ZC3H13: variants seen among roughly 807,000 people sequenced by gnomAD.
ZC3H13 encodes the protein zinc finger CCCH-type containing 13.
A neutral mutation model predicts 204.1 loss-of-function variants in ZC3H13; 64 were observed. That is an observed-to-expected ratio of 0.31 (90% CI 0.26 to 0.39). ZC3H13 has a LOEUF of 0.39. Among genes scored for constraint, ZC3H13 ranks in the 10% least tolerant of loss-of-function variants. ZC3H13 has a pLI of 1.00. For synonymous variants in ZC3H13, 667 were observed against 693.7 expected, an observed-to-expected ratio of 0.96 and a Z score of 0.60; for missense variants, 1,833 against 2,082.7, an observed-to-expected ratio of 0.88 and a Z score of 2.33.
intron 1 of ZC3H13, among the ~76,000 whole-genome samples, chr13:46,049,150 C>CA (rs58915210): frequency 0.38 from 34,578 of 91,480 alleles, 4,988 homozygotes; most frequent in Non-Finnish European, 0.43. Context: ...GACTCCGTCT[C>CA]AAAAAAAAAA....
rs778528738 is a variant in ZC3H13 at position 46,045,378 on chromosome 13, A to G, written c.117+13T>C. ...CTAAGAGAACCCCTGTGACTATACT[A>G]GTGACAACTCACCTCTGCTGTACTG... On this transcript the variant is annotated intron_variant, in intron 2 of 18. Transcript: ENST00000679008. The G allele has an allele frequency of 6.3e-7, 1 of 1,599,322 alleles. No homozygotes were observed. The highest frequency in any genetic ancestry group is 8.6e-7 in the Non-Finnish European group (1 of 1,166,610).
At chr13:46,011,116 G>C (rs1345827003) in intron 6 of ZC3H13, among the ~76,000 whole-genome samples, 1 of 152,054 alleles carries the variant, frequency 6.6e-6, no homozygotes, top group Non-Finnish European at 1.5e-5. Context: ...AGGCATTCTA[G>C]AAATAGCATG....
At chr13:46,012,208 T>C (rs568058641) in intron 5 of ZC3H13, among the ~76,000 whole-genome samples, 14 of 152,212 alleles carry the variant, frequency 9.2e-5, no homozygotes, top group Non-Finnish European at 1.6e-4. Context: ...ATTTATATTT[T>C]CTGATGAAAA....
At position 46,003,310 on chromosome 13, in the gene ZC3H13, T is replaced by G. The variant is rs1394106554; in HGVS notation, c.773A>C (p.Lys258Thr). Residue 258 changes from lysine (K) to threonine (T), a missense_variant, in exon 8 of 19, where the codon AAG becomes ACG. This residue lies in a region of ZC3H13 where 1,574 missense variants were observed against 1,757.2 expected (regional missense o/e 0.90). Coordinates refer to ENST00000679008, the MANE Select transcript of ZC3H13 (RefSeq NM_001330564.2). ...QRNSKTNQSK[K>T]KGPRTPSPPP... ...TGGACTAGGAGTACGTGGTCCTTTC[T>G]TTTTACTTTGGTTGGTTTTTGAATT... The G allele has an allele frequency of 6.2e-7, 1 of 1,608,022 alleles. No individual in the cohort carries two copies. The highest frequency in any genetic ancestry group is 1.1e-5 in the South Asian group (1 of 88,856).
At chr13:46,024,474 T>A (rs1377057571) in intron 4 of ZC3H13, among the ~76,000 whole-genome samples, 1 of 152,192 alleles carries the variant, frequency 6.6e-6, no homozygotes, top group Non-Finnish European at 1.5e-5. Context: ...ATCTCAGTAC[T>A]TTGAAAATAT....
At chr13:46,014,637 T>C (rs1248989150) in intron 5 of ZC3H13, among the ~76,000 whole-genome samples, 4 of 152,212 alleles carry the variant, frequency 2.6e-5, no homozygotes, top group African/African-American at 9.6e-5. Context: ...GTTTTTGAAT[T>C]CCATTCTATA....
At chr13:46,028,483 G>A (rs1222169067) in intron 4 of ZC3H13, among the ~76,000 whole-genome samples, 1 of 152,102 alleles carries the variant, frequency 6.6e-6, no homozygotes, top group Non-Finnish European at 1.5e-5. Context: ...GATTATAGAT[G>A]GCTTTATCTA....
chr13:45,968,624 A>G, intron 14 of ZC3H13, 124 bp downstream of exon 14: 12 of 1,316,906 alleles, frequency 9.1e-6, no homozygotes, highest in Non-Finnish European at 1.2e-5. Context: ...CTTTTCTTTA[A>G]AAAGTTGCAT....
chr13:45,964,159 C>T (rs1951897412), intron 16 of ZC3H13, 117 bp from the exon 17 acceptor site: 14 of 850,040 alleles, frequency 1.6e-5, no homozygotes, highest in Non-Finnish European at 2.5e-5. Flanking sequence ...TACTTTAAAC[C>T]AAAAATGTCC....
chr13:46,024,938 G>T (rs2042450585), intron 4 of ZC3H13, among the ~76,000 whole-genome samples: 1 of 152,082 alleles, frequency 6.6e-6, no homozygotes, highest in Non-Finnish European at 1.5e-5. Context: ...TCAATTCCAT[G>T]TTTATCCCTA....
At position 45,979,950 on chromosome 13, in the gene ZC3H13, T is replaced by C. The variant is rs1566193219; in HGVS notation, c.1775A>G (p.Tyr592Cys). Residue 592 changes from tyrosine to cysteine, a missense_variant, in exon 11 of 19, where the codon TAT (tyrosine) becomes TGT (cysteine). This residue lies in a region of ZC3H13 where 1,574 missense variants were observed against 1,757.2 expected (regional missense o/e 0.90). Transcript: ENST00000679008. ...QIDSHSSNSN[Y>C]HDSWETRSSY... Reference sequence around the variant, plus strand: ...ACTTCGAGTTTCCCAGCTGTCATGATAGTTGCTATTACTACTGTGACTATC... The same window carrying C: ...ACTTCGAGTTTCCCAGCTGTCATGACAGTTGCTATTACTACTGTGACTATC... 3.1e-6 allele frequency: 5 copies of C among 1,612,530 alleles called. No individual in the cohort carries two copies. Among genetic ancestry groups the C allele is most frequent in the East Asian group, 2.2e-5 (1 of 44,746 alleles).
At chr13:45,991,824 G>A (rs1032165645) in intron 8 of ZC3H13, among the ~76,000 whole-genome samples, 1 of 152,128 alleles carries the variant, frequency 6.6e-6, no homozygotes, top group Non-Finnish European at 1.5e-5. Context: ...TTTTAGTGCT[G>A]CTATAATTAG....
intron 11 of ZC3H13, among the ~76,000 whole-genome samples, chr13:45,977,257 C>A (rs529167399): frequency 1.6e-4 from 24 of 152,108 alleles, no homozygotes; most frequent in African/African-American, 5.3e-4. Context: ...TGTCTGAATT[C>A]CTGGTTTGGA....
chr13:45,974,933 G>T (rs1952893079), intron 12 of ZC3H13, among the ~76,000 whole-genome samples: 1 of 151,320 alleles, frequency 6.6e-6, no homozygotes, highest in Non-Finnish European at 1.5e-5. Context: ...TGCAACCTCT[G>T]CCTCTCAGGT....
intron 8 of ZC3H13, among the ~76,000 whole-genome samples, chr13:45,998,919 C>T (rs2040541907): frequency 6.6e-6 from 1 of 151,964 alleles, no homozygotes; most frequent in African/African-American, 2.4e-5. Flanking sequence ...ATGCTGTTCG[C>T]TAGCATTTTA....
intron 5 of ZC3H13, among the ~76,000 whole-genome samples, chr13:46,017,349 T>A (rs1436823094): frequency 2.6e-5 from 4 of 152,064 alleles, no homozygotes; most frequent in African/African-American, 9.7e-5. Flanking sequence ...CATTCTCCCA[T>A]GAGTAGATAG....
In ZC3H13 at chr13:45,955,721, G is replaced by A. The variant is rs1299328367; in HGVS notation, c.*1406C>T. On this transcript the variant is annotated 3_prime_UTR_variant, in exon 19 of 19. Transcript: ENST00000679008. ...ACTTAGTAAAGGAAAAGGACACAAG[G>A]AAATTCTGATTAAAGTCTTCTCCTG... 6 of 152,026 alleles carry A rather than the reference G, an allele frequency of 3.9e-5. No homozygotes were observed. The highest frequency in any genetic ancestry group is 1.2e-4 in the African/African-American group (5 of 41,392). The allele number at this position is 152,026 out of a possible 1,614,324, so 9.4% of individuals were successfully genotyped here.
chr13:46,032,373 A>T (rs1593765846), intron 4 of ZC3H13, among the ~76,000 whole-genome samples: 1 of 147,912 alleles, frequency 6.8e-6, no homozygotes, highest in Admixed American at 6.8e-5. Context: ...AAAAAAAAAA[A>T]AAAAAACAGA....
intron 4 of ZC3H13, among the ~76,000 whole-genome samples, chr13:46,028,723 T>C (rs941067896): frequency 3.9e-5 from 6 of 151,980 alleles, no homozygotes; most frequent in Non-Finnish European, 8.8e-5. Flanking sequence ...AAAGAAGAAA[T>C]TGCAAAAAAA....
Sources: allele counts gnomAD v4.1 joint callset (sites outside exome capture counted in the v4.1 genomes callset), GRCh38; gene constraint gnomAD v4.1.1; regional missense constraint gnomAD v4.1.1; transcripts MANE v1.5; gene names NCBI Gene and HGNC (gene_info 2026-07-23, HGNC 2026-07-21).